Variants in BNC2 observed in about 807,000 individuals in gnomAD.
BNC2 encodes zinc finger protein basonuclin-2.
Under a neutral mutation model 76.3 loss-of-function variants are expected in BNC2, and 20 were observed. The ratio of observed to expected loss-of-function variants is 0.26; its 90% CI spans 0.18 to 0.38. The LOEUF (loss-of-function observed/expected upper bound fraction) is 0.38, where lower values mean the gene tolerates loss of function less well. Ranked by LOEUF, BNC2 falls within the 10% of genes least tolerant of loss-of-function variation. The pLI, the probability that BNC2 is intolerant of heterozygous loss-of-function variation, is 1.00. For missense variants in BNC2, 1,382 were observed against 1,399.8 expected, an observed-to-expected ratio of 0.99 and a Z score of 0.20; for synonymous variants, 582 against 514.8, an observed-to-expected ratio of 1.13 and a Z score of -1.77.
rs1817607272 is a variant in BNC2, at chr9:16,521,178, T to C, written c.669+31352A>G. Among the ~76,000 whole-genome samples, 4 of 152,136 alleles carry C rather than the reference T, an allele frequency of 2.6e-5. No individual in the cohort carries two copies. The South Asian group carries it at 6.2e-4, about 24-fold the overall frequency. ...GGAGTTTTCTAGAAAACTCAAGATA[T>C]GACAGATGTGGCCGACATATTTGGA... On this transcript the variant is annotated intron_variant, in intron 5 of 6. Coordinates refer to ENST00000380672, the MANE Select transcript of BNC2 (RefSeq NM_017637.6).
intron 1 of BNC2, among the ~76,000 whole-genome samples, chr9:16,847,522 G>T (rs7046326): frequency 6.7e-6 from 1 of 150,202 alleles, no homozygotes; most frequent in Non-Finnish European, 1.5e-5. Context: ...GACCAAACAC[G>T]TTTAGGAAAT....
At chr9:16,784,640 C>A (rs1417541880) in intron 1 of BNC2, among the ~76,000 whole-genome samples, 2 of 152,170 alleles carry the variant, frequency 1.3e-5, no homozygotes, top group African/African-American at 4.8e-5. Flanking sequence ...TGGGGCTGAG[C>A]ACTGGCAAAG....
intron 1 of BNC2, among the ~76,000 whole-genome samples, chr9:16,751,775 A>C (rs570146243): frequency 6.4e-4 from 98 of 152,170 alleles, no homozygotes; most frequent in African/African-American, 2.3e-3. Flanking sequence ...TCACGCCTGT[A>C]ATCTCAGCAC....
intron 4 of BNC2, among the ~76,000 whole-genome samples, chr9:16,555,562 G>A (rs752580970): frequency 4.6e-5 from 7 of 151,476 alleles, no homozygotes; most frequent in East Asian, 3.9e-4. Flanking sequence ...TTTGGGAGGC[G>A]AGACGGCAGA....
chr9:16,674,038 C>A (rs1032205631), intron 3 of BNC2, among the ~76,000 whole-genome samples: 1 of 152,214 alleles, frequency 6.6e-6, no homozygotes, highest in Non-Finnish European at 1.5e-5. Context: ...ACTGTTCATT[C>A]CAAAGTTCTG....
At chr9:16,863,638 T>TG (rs1419646690) in intron 1 of BNC2, among the ~76,000 whole-genome samples, 1 of 152,150 alleles carries the variant, frequency 6.6e-6, no homozygotes, top group African/African-American at 2.4e-5. Context: ...GAGGTTGCAG[T>TG]GAGCCAAAAT....
chr9:16,706,202 T>C (rs1823668358), intron 3 of BNC2, among the ~76,000 whole-genome samples: 1 of 152,240 alleles, frequency 6.6e-6, no homozygotes, highest in South Asian at 2.1e-4. Flanking sequence ...TACCCCTTTC[T>C]TCTTCTACCA....
At chr9:16,742,529 G>A (rs1337410642) in intron 1 of BNC2, among the ~76,000 whole-genome samples, 1 of 148,810 alleles carries the variant, frequency 6.7e-6, no homozygotes, top group Non-Finnish European at 1.5e-5. Flanking sequence ...CACAGACAAA[G>A]ACATTCATCT....
At chr9:16,655,517 A>G (rs1384625563) in intron 3 of BNC2, among the ~76,000 whole-genome samples, 2 of 152,192 alleles carry the variant, frequency 1.3e-5, no homozygotes, top group Non-Finnish European at 1.5e-5. Context: ...CTAAAAGGCC[A>G]TAAAAAGGCA....
chr9:16,739,447 T>TG (rs1824777248), intron 1 of BNC2, among the ~76,000 whole-genome samples: 1 of 152,196 alleles, frequency 6.6e-6, no homozygotes, highest in Non-Finnish European at 1.5e-5. Flanking sequence ...GGCGGGCAGA[T>TG]AACCTAAAGT....
At chr9:16,488,111 C>T (rs1278606121) in intron 5 of BNC2, among the ~76,000 whole-genome samples, 3 of 152,194 alleles carry the variant, frequency 2.0e-5, no homozygotes, top group African/African-American at 7.2e-5. Context: ...ACCGTTTCCC[C>T]TCGCCTTATA....
chr9:16,848,385 C>T (rs1044106472), intron 1 of BNC2, among the ~76,000 whole-genome samples: 2 of 152,058 alleles, frequency 1.3e-5, no homozygotes, highest in Non-Finnish European at 2.9e-5. Flanking sequence ...GTATAATAAT[C>T]CACCCTGGAA....
intron 6 of BNC2, chr9:16,434,901 C>G (rs1206641070): frequency 4.3e-6 from 2 of 464,890 alleles, no homozygotes; most frequent in African/African-American, 2.0e-5. Context: ...ATAAAGAAAC[C>G]CACACGACCA....
At chr9:16,699,091 T>C (rs1196797734) in intron 3 of BNC2, 2 of 432,152 alleles carry the variant, frequency 4.6e-6, no homozygotes, top group Non-Finnish European at 9.3e-6. Context: ...TTGGTTTGGG[T>C]AGTGATTTTG....
chr9:16,574,322 A>T lies in BNC2; in HGVS notation c.433+8661T>A, dbSNP rs532717066. Among the ~76,000 whole-genome samples, 6 of 152,338 alleles carry T rather than the reference A, an allele frequency of 3.9e-5. No individual in the cohort carries two copies. The South Asian group carries it at 1.2e-3, about 32-fold the overall frequency. ...CGAAGCACTTCACATGCAAAAAGAC[A>T]GGTGTGAAAATAGGTAAAAGTAGCC... On this transcript the variant is annotated intron_variant, in intron 4 of 6. Coordinates refer to ENST00000380672, the MANE Select transcript of BNC2 (RefSeq NM_017637.6).
intron 3 of BNC2, among the ~76,000 whole-genome samples, chr9:16,609,882 G>C (rs1010107730): frequency 1.4e-4 from 22 of 151,906 alleles, no homozygotes; most frequent in South Asian, 4.2e-4. Context: ...CTGTCTCTTA[G>C]TATCCTCCAT....
At chr9:16,578,789 G>GT (rs558493269) in intron 4 of BNC2, among the ~76,000 whole-genome samples, 102 of 152,242 alleles carry the variant, frequency 6.7e-4, no homozygotes, top group African/African-American at 2.4e-3. Context: ...TACTCAGATT[G>GT]TTTTAGGTGA....
At chr9:16,845,696 G>C (rs925228741) in intron 1 of BNC2, among the ~76,000 whole-genome samples, 2 of 152,040 alleles carry the variant, frequency 1.3e-5, no homozygotes, top group African/African-American at 4.8e-5. Flanking sequence ...ACTCCAGCCT[G>C]GGCGACAAAG....
At chr9:16,423,854 T>C (rs534478338) in intron 6 of BNC2, among the ~76,000 whole-genome samples, 1 of 152,322 alleles carries the variant, frequency 6.6e-6, no homozygotes, top group East Asian at 1.9e-4. Flanking sequence ...ACTCTTTCTA[T>C]ACTGTGAATC....
Sources: gnomAD v4.1 joint callset for allele counts (sites outside exome capture counted in the v4.1 genomes callset) on GRCh38, gnomAD v4.1.1 for gene constraint, MANE v1.5 for transcripts, NCBI Gene and HGNC (gene_info 2026-07-23, HGNC 2026-07-21) for gene names.